The following PCLO variants were observed in gnomAD, a reference collection of about 807,000 sequenced individuals.
PCLO encodes the protein protein piccolo.
Under a neutral mutation model 427.5 loss-of-function variants are expected in PCLO, and 82 were observed. That is an observed-to-expected ratio of 0.19 (90% CI 0.16 to 0.23). The LOEUF (loss-of-function observed/expected upper bound fraction) is 0.23. PCLO is among the 10% of genes least tolerant of loss of function. PCLO has a pLI of 1.00. For missense variants in PCLO, 6,239 were observed against 6,115.9 expected, an observed-to-expected ratio of 1.02 and a Z score of -0.67; for synonymous variants, 2,357 against 2,155.4, an observed-to-expected ratio of 1.09 and a Z score of -2.59.
chr7:82,758,859 CAGG>C (rs1353815918), intron 24 of PCLO, 144 bp from the exon 25 acceptor site: 1 of 544,192 alleles, frequency 1.8e-6, no homozygotes, highest in African/African-American at 1.9e-5. Context: ...GACATATTTG[CAGG>C]AGAACTGATA....
At chr7:82,968,509 G>A (rs1004664755) in intron 3 of PCLO, among the ~76,000 whole-genome samples, 36 of 138,950 alleles carry the variant, frequency 2.6e-4, no homozygotes, top group African/African-American at 7.9e-4. Context: ...TTTTCATTCA[G>A]AGTCTGACTT....
rs746054139 is a variant in PCLO at position 83,134,242 on chromosome 7, T to TATATATATATATATATATATATATATAA, written c.3300+7_3300+8insTTATATATATATATATATATATATATAT. On this transcript the variant is annotated splice_region_variant and intron_variant, in intron 3 of 24. Transcript: ENST00000333891. ...TAATATATATATATATATATATATATAACTTACCTCAGTCAAATGTGGTGT... is the reference window on the plus strand; with the variant it reads ...TAATATATATATATATATATATATATATATATATATATATATATATATATATAAAACTTACCTCAGTCAAATGTGGTGT... 1.7e-4 allele frequency: 184 copies of TATATATATATATATATATATATATATAA among 1,068,532 alleles called. No homozygotes were observed. The highest frequency in any genetic ancestry group is 1.7e-3 in the Admixed American group (56 of 32,708). 66.2% of individuals were successfully genotyped at this position (1,068,532 alleles called of 1,614,324 possible).
chr7:83,030,610 G>C (rs560672149), intron 3 of PCLO, among the ~76,000 whole-genome samples: 1 of 152,138 alleles, frequency 6.6e-6, no homozygotes, highest in South Asian at 2.1e-4. Flanking sequence ...ACACACCCCA[G>C]AAGCAAATTT....
intron 3 of PCLO, among the ~76,000 whole-genome samples, chr7:83,012,621 GAAAAA>G (rs537818971): frequency 6.0e-5 from 4 of 66,730 alleles, no homozygotes; most frequent in Admixed American, 3.8e-4. Flanking sequence ...CTGTCTCAAG[GAAAAA>G]AAAAAAAAAA....
At chr7:82,989,638 C>A (rs971826744) in intron 3 of PCLO, among the ~76,000 whole-genome samples, 17 of 152,044 alleles carry the variant, frequency 1.1e-4, no homozygotes, top group Non-Finnish European at 7.4e-5. Context: ...TATGATCTTA[C>A]ATCTACTAAT....
chr7:83,008,863 A>C (rs1788010781), intron 3 of PCLO, among the ~76,000 whole-genome samples: 1 of 151,810 alleles, frequency 6.6e-6, no homozygotes, highest in Non-Finnish European at 1.5e-5. Flanking sequence ...GATACATTAT[A>C]AATATATATG....
chr7:82,957,787 T>C (rs539031100), intron 4 of PCLO, among the ~76,000 whole-genome samples: 9 of 152,350 alleles, frequency 5.9e-5, no homozygotes, highest in South Asian at 2.1e-4. Flanking sequence ...TCTTGTTTTA[T>C]CTTGAAAAGC....
intron 20 of PCLO, 32 bp from the exon 21 acceptor site, chr7:82,805,861 T>A (rs1427803407): frequency 1.3e-6 from 2 of 1,574,482 alleles, no homozygotes; most frequent in Non-Finnish European, 1.7e-6. Context: ...AACACCACAG[T>A]CAATAAATGA....
intron 3 of PCLO, among the ~76,000 whole-genome samples, chr7:83,000,038 C>A: frequency 1.1e-5 from 1 of 87,746 alleles, no homozygotes. Context: ...GAATAAATGC[C>A]AAAAAACAAA....
intron 6 of PCLO, among the ~76,000 whole-genome samples, chr7:82,941,089 A>AG (rs1178439585): frequency 6.6e-5 from 7 of 106,736 alleles, no homozygotes; most frequent in Admixed American, 6.1e-4. Context: ...TCAATCATTA[A>AG]GGTTTTTTTT....
chr7:82,908,870 C>A lies in PCLO; in HGVS notation c.13437+7G>T. ...ATCTAAAAGAAATTGCTAAATATAG[C>A]ACTTACTTGCTCTTGATGTTGACTG... On this transcript the variant is annotated splice_region_variant and intron_variant, in intron 8 of 24. Coordinates refer to ENST00000333891, the MANE Select transcript of PCLO (RefSeq NM_033026.6). The A allele has an allele frequency of 1.2e-6, 2 of 1,610,228 alleles. No individual in the cohort carries two copies. The highest frequency in any genetic ancestry group is 1.7e-6 in the Non-Finnish European group (2 of 1,177,760).
At position 83,096,877 on chromosome 7, in the gene PCLO, A is replaced by T. The variant is rs1445199574; in HGVS notation, c.3300+37373T>A. Among the ~76,000 whole-genome samples, 19 of 69,000 alleles carry T rather than the reference A, an allele frequency of 2.8e-4. 2 individuals carry two copies. The highest frequency in any genetic ancestry group is 2.1e-3 in the South Asian group (6 of 2,898). 45.3% of individuals were successfully genotyped at this position (69,000 alleles called of 152,430 possible). ...TATATAAAAATATATTATATAATAT[A>T]AATATATTATATAATATATTAATAT... is the stretch of plus-strand genomic sequence containing the variant. On this transcript the variant is annotated intron_variant, in intron 3 of 24. Transcript: ENST00000333891.
chr7:82,910,192 G>A (rs554272314), intron 7 of PCLO, among the ~76,000 whole-genome samples: 1 of 152,114 alleles, frequency 6.6e-6, no homozygotes, highest in Admixed American at 6.6e-5. Context: ...CCACTTTCTT[G>A]AAACTCCAGC....
Position 83,135,077 on chromosome 7 carries a change from C to T in PCLO, c.2473G>A (p.Ala825Thr), listed in dbSNP as rs61730164. Reference sequence around the variant, plus strand: ...TGTGAAATAATTTTTGAATCTGATGCAGGTCGAGGTATGGCTTTAGAATCA... The same window carrying T: ...TGTGAAATAATTTTTGAATCTGATGTAGGTCGAGGTATGGCTTTAGAATCA... Reference protein sequence around the residue: ...PFDSKAIPRPASDSKIISHPG... With the variant: ...PFDSKAIPRPTSDSKIISHPG... The change falls in exon 3 of 25, where the codon GCA (alanine) becomes ACA (threonine). Residue 825 changes from alanine to threonine, a missense_variant. This residue lies in a region of PCLO where 4,677 missense variants were observed against 4,468.4 expected (regional missense o/e 1.05). Transcript: ENST00000333891. The T allele has an allele frequency of 4.7e-3, 7,621 of 1,613,840 alleles. 72 individuals are homozygous for T. Among genetic ancestry groups the T allele is most frequent in the Non-Finnish European group, 3.9e-3 (4,659 of 1,179,844 alleles).
intron 3 of PCLO, among the ~76,000 whole-genome samples, chr7:83,024,272 G>T (rs1240927640): frequency 6.6e-6 from 1 of 152,196 alleles, no homozygotes; most frequent in Non-Finnish European, 1.5e-5. Context: ...CCGAAGCAGG[G>T]TGAGGCATTG....
At chr7:83,132,136 T>C (rs956036876) in intron 3 of PCLO, among the ~76,000 whole-genome samples, 8 of 152,112 alleles carry the variant, frequency 5.3e-5, no homozygotes, top group Admixed American at 2.6e-4. Context: ...CAAGTGAACT[T>C]TACCTAGAAA....
chr7:83,059,294 A>AATAT (rs71522641), intron 3 of PCLO, among the ~76,000 whole-genome samples: 17 of 141,180 alleles, frequency 1.2e-4, no homozygotes, highest in Admixed American at 3.0e-4. Flanking sequence ...TATAAAATCA[A>AATAT]ATATATATAT....
At chr7:82,763,687 C>G (rs1245907092) in intron 22 of PCLO, among the ~76,000 whole-genome samples, 1 of 151,974 alleles carries the variant, frequency 6.6e-6, no homozygotes, top group Non-Finnish European at 1.5e-5. Context: ...CGCTCTCTTC[C>G]TCTGTCAAAA....
intron 3 of PCLO, among the ~76,000 whole-genome samples, chr7:83,108,268 G>A (rs916680688): frequency 1.3e-4 from 20 of 151,976 alleles, no homozygotes; most frequent in Admixed American, 1.0e-3. Flanking sequence ...ATTGGTATGA[G>A]ATTCTAAGTC....
Sources: gnomAD v4.1 joint callset for allele counts (sites outside exome capture counted in the v4.1 genomes callset) on GRCh38, gnomAD v4.1.1 for gene constraint, gnomAD v4.1.1 regional missense constraint, MANE v1.5 for transcripts, NCBI Gene and HGNC (gene_info 2026-07-23, HGNC 2026-07-21) for gene names.